Variants in CLEC2D observed in about 807,000 individuals in gnomAD.
CLEC2D encodes C-type lectin related f.
CLEC2D carries 16 observed loss-of-function variants against 20.0 expected under a neutral mutation model. The observed-to-expected ratio is 0.80, with a 90% CI of 0.54 to 1.22. CLEC2D has a LOEUF of 1.22. Among genes scored for constraint, CLEC2D ranks in the 50% most tolerant of loss-of-function variants. CLEC2D has a pLI of 0.00. For synonymous variants in CLEC2D, 77 were observed against 71.1 expected (o/e 1.08, Z -0.42); for missense variants, 207 against 221.5 (o/e 0.93, Z 0.42).
chr12:9,675,342 C>T (rs1444690238), intron 1 of CLEC2D, among the ~76,000 whole-genome samples: 1 of 152,018 alleles, frequency 6.6e-6, no homozygotes, highest in East Asian at 1.9e-4. Context: ...ACTACAGACA[C>T]CTGCCACCAC....
At chr12:9,671,387 C>G (rs953596582) in intron 1 of CLEC2D, among the ~76,000 whole-genome samples, 3 of 151,968 alleles carry the variant, frequency 2.0e-5, no homozygotes, top group Non-Finnish European at 4.4e-5. Context: ...CGCCCGGCTA[C>G]TTTTTTGTAT....
At position 9,688,128 on chromosome 12, in the gene CLEC2D, C is replaced by T. The variant is rs377342199; in HGVS notation, c.357+42C>T. The T allele has an allele frequency of 4.5e-5, 65 of 1,439,376 alleles. No individual in the cohort carries two copies. The African/African-American group carries it at 8.9e-4, about 20-fold the overall frequency. The allele number at this position is 1,439,376 out of a possible 1,614,324, so 89.2% of individuals were successfully genotyped here. A position where few individuals can be genotyped will look rare whatever the true frequency, so the allele number is the denominator to read the frequency against. The stretch of plus-strand genomic sequence containing the variant: ...GGCCAGAATCAAAGATTCAGCCCTA[C>T]AAGGATATGTTTTCCTGTGAAATTA... On this transcript the variant is annotated intron_variant, in intron 3 of 4. Coordinates refer to ENST00000290855, the MANE Select transcript of CLEC2D (RefSeq NM_013269.6).
chr12:9,678,240 A>G (rs1018202421), intron 1 of CLEC2D, among the ~76,000 whole-genome samples: 2 of 152,028 alleles, frequency 1.3e-5, no homozygotes, highest in Non-Finnish European at 2.9e-5. Context: ...ATTCCTGATA[A>G]ATTTCCTTGC....
At chr12:9,684,270 T>C (rs1439454129) in intron 2 of CLEC2D, among the ~76,000 whole-genome samples, 1 of 152,182 alleles carries the variant, frequency 6.6e-6, no homozygotes, top group Non-Finnish European at 1.5e-5. Flanking sequence ...TTAATAAGTT[T>C]TAAGGGGATG....
chr12:9,682,274 A>C (rs997245883), intron 2 of CLEC2D, among the ~76,000 whole-genome samples: 2 of 152,132 alleles, frequency 1.3e-5, no homozygotes, highest in African/African-American at 4.8e-5. Context: ...TTAACTATTC[A>C]AGTGTGGTAT....
At chr12:9,691,841 A>G (rs1034803246) in intron 3 of CLEC2D, among the ~76,000 whole-genome samples, 28 of 152,220 alleles carry the variant, frequency 1.8e-4, no homozygotes, top group African/African-American at 6.8e-4. Flanking sequence ...CACTGTAAGG[A>G]ACTAAAAAAA....
At chr12:9,688,162 G>A (rs1865791078) in intron 3 of CLEC2D, 76 bp downstream of exon 3, 2 of 1,273,818 alleles carry the variant, frequency 1.6e-6, no homozygotes, top group Non-Finnish European at 2.0e-6. Flanking sequence ...TATCTAAGAG[G>A]TAGGTTTAGA....
Position 9,695,040 on chromosome 12 carries a change from C to G in CLEC2D, c.*166C>G, listed in dbSNP as rs1407901915. 1 of 593,604 alleles carries G rather than the reference C, an allele frequency of 1.7e-6. No individual in the cohort carries two copies. Among genetic ancestry groups the G allele is most frequent in the Admixed American group, 2.9e-5 (1 of 34,478 alleles). The allele number at this position is 593,604 out of a possible 1,614,324, so 36.8% of individuals were successfully genotyped here. A position where few individuals can be genotyped will look rare whatever the true frequency, so the allele number is the denominator to read the frequency against. ...AATCAAAATCATAGTAAAATATTACCTGTTTTCATGGTGCTAATATTACCT... is the reference window on the plus strand; with the variant it reads ...AATCAAAATCATAGTAAAATATTACGTGTTTTCATGGTGCTAATATTACCT... On this transcript the variant is annotated 3_prime_UTR_variant, in exon 5 of 5. Coordinates refer to ENST00000290855, the MANE Select transcript of CLEC2D (RefSeq NM_013269.6).
At chr12:9,678,522 T>C (rs1202614938) in intron 1 of CLEC2D, among the ~76,000 whole-genome samples, 4 of 152,114 alleles carry the variant, frequency 2.6e-5, no homozygotes, top group Non-Finnish European at 5.9e-5. Context: ...CCTTTGTTCT[T>C]TGTTTCTATT....
In CLEC2D at chr12:9,679,009, A is replaced by G. The variant is rs118132383; in HGVS notation, c.62-1914A>G. Among the ~76,000 whole-genome samples the G allele has an allele frequency of 1.9e-3, 289 of 152,378 alleles. 1 individual carries two copies. The highest frequency in any genetic ancestry group is 3.1e-3 in the Non-Finnish European group (214 of 68,030). Reference sequence around the variant, plus strand: ...TAACATAAGTTTGCTTTCAAATAATACTATACCATTTCACAGGTACTGTGA... The same window carrying G: ...TAACATAAGTTTGCTTTCAAATAATGCTATACCATTTCACAGGTACTGTGA... On this transcript the variant is annotated intron_variant, in intron 1 of 4. Coordinates refer to ENST00000290855, the MANE Select transcript of CLEC2D (RefSeq NM_013269.6).
Position 9,693,483 on chromosome 12 carries a change from T to C in CLEC2D, c.461+552T>C, listed in dbSNP as rs115131180. 8.0e-3 allele frequency: 1,447 copies of C among 181,338 alleles called. 15 individuals carry two copies. The highest frequency in any genetic ancestry group is 0.028 in the African/African-American group (1,195 of 42,104). The allele number at this position is 181,338 out of a possible 1,614,324, so 11.2% of individuals were successfully genotyped here. ...ATTGGATTCACACAATTTCACTCAA[T>C]GTTTGTCTGAGAGATGAGACAGTTT... On this transcript the variant is annotated intron_variant, in intron 4 of 4. Transcript: ENST00000290855.
At chr12:9,687,010 A>G (rs1865762649) in intron 2 of CLEC2D, among the ~76,000 whole-genome samples, 2 of 152,232 alleles carry the variant, frequency 1.3e-5, no homozygotes, top group Admixed American at 6.5e-5. Context: ...AGCAATCGCC[A>G]ACCTTGTTGG....
At chr12:9,678,240 A>C (rs1018202421) in intron 1 of CLEC2D, among the ~76,000 whole-genome samples, 1 of 152,028 alleles carries the variant, frequency 6.6e-6, no homozygotes, top group South Asian at 2.1e-4. Context: ...ATTCCTGATA[A>C]ATTTCCTTGC....
In CLEC2D at chr12:9,695,773, G is replaced by T; in HGVS notation, c.*899G>T. Reference sequence around the variant, plus strand: ...TGCAGAGTCAGAAGATGAAGAAGAGGAGGATGTGAAACTCTTAAGTATATC... The same window carrying T: ...TGCAGAGTCAGAAGATGAAGAAGAGTAGGATGTGAAACTCTTAAGTATATC... On this transcript the variant is annotated 3_prime_UTR_variant, in exon 5 of 5. Coordinates refer to ENST00000290855, the MANE Select transcript of CLEC2D (RefSeq NM_013269.6). The T allele has an allele frequency of 7.2e-7, 1 of 1,379,390 alleles. No individual in the cohort carries two copies. Among genetic ancestry groups the T allele is most frequent in the South Asian group, 1.2e-5 (1 of 86,380 alleles). 85.4% of individuals were successfully genotyped at this position (1,379,390 alleles called of 1,614,324 possible).
chr12:9,679,447 A>G (rs1865590715), intron 1 of CLEC2D, among the ~76,000 whole-genome samples: 1 of 152,164 alleles, frequency 6.6e-6, no homozygotes, highest in South Asian at 2.1e-4. Flanking sequence ...TTTTGGCTAA[A>G]GAATTCTAAG....
At chr12:9,682,471 A>G (rs1437523203) in intron 2 of CLEC2D, among the ~76,000 whole-genome samples, 1 of 152,128 alleles carries the variant, frequency 6.6e-6, no homozygotes, top group East Asian at 1.9e-4. Flanking sequence ...TGCACCTATC[A>G]ACCCATCATC....
At chr12:9,674,002 G>C (rs1236289791) in intron 1 of CLEC2D, 4 of 152,372 alleles carry the variant, frequency 2.6e-5, no homozygotes, top group African/African-American at 7.2e-5. Flanking sequence ...CAAGCCAGTG[G>C]GTCTTAGCTT....
At position 9,692,939 on chromosome 12, in the gene CLEC2D, C is replaced by G; in HGVS notation, c.461+8C>G. On this transcript the variant is annotated splice_region_variant and intron_variant, in intron 4 of 4. Transcript: ENST00000290855. ...TACTGAATGGACAAGACAGTAAGTT[C>G]TAAAAATCTGGCAGTAATATTTGTA... 6.2e-7 allele frequency: 1 copy of G among 1,607,716 alleles called. No individual in the cohort carries two copies. The highest frequency in any genetic ancestry group is 8.5e-7 in the Non-Finnish European group (1 of 1,174,518).
In CLEC2D at chr12:9,687,922, C is replaced by T; in HGVS notation, c.193C>T (p.Gln65Ter). The T allele has an allele frequency of 6.3e-7, 1 of 1,593,236 alleles. No homozygotes were observed. Among genetic ancestry groups the T allele is most frequent in the African/African-American group, 1.4e-5 (1 of 73,950 alleles). ...ALSAIRANCH[Q>*]EPSVCLQAAC... Reference sequence around the variant, plus strand: ...TTCAGCAATAAGAGCTAACTGCCATCAAGAGCCATCAGTATGTCTTCAAGC... The same window carrying T: ...TTCAGCAATAAGAGCTAACTGCCATTAAGAGCCATCAGTATGTCTTCAAGC... Residue 65 changes from glutamine (Q) to a stop codon, truncating the protein, a stop_gained, in exon 3 of 5, where the codon CAA becomes TAA. Coordinates refer to ENST00000290855, the MANE Select transcript of CLEC2D (RefSeq NM_013269.6). LOFTEE classifies it high-confidence loss of function.
Sources: gnomAD v4.1 joint callset for allele counts (sites outside exome capture counted in the v4.1 genomes callset) on GRCh38, gnomAD v4.1.1 for gene constraint, MANE v1.5 for transcripts, NCBI Gene and HGNC (gene_info 2026-07-23, HGNC 2026-07-21) for gene names.